Variants in ANKRD30A observed in about 807,000 individuals in gnomAD.
The protein encoded by ANKRD30A is ankyrin repeat domain-containing protein 30A.
ANKRD30A carries 170 observed loss-of-function variants against 166.3 expected under a neutral mutation model. The observed-to-expected ratio is 1.02, with a 90% confidence interval of 0.90 to 1.16. The LOEUF (loss-of-function observed/expected upper bound fraction) is 1.16, where lower values mean the gene tolerates loss of function less well. Ranked by LOEUF, ANKRD30A falls within the 50% of genes most tolerant of loss-of-function variation. The pLI is 0.00. For missense variants in ANKRD30A, 1,630 were observed against 1,518.0 expected, an observed-to-expected ratio of 1.07 and a Z score of -1.23; for synonymous variants, 564 against 508.9, an observed-to-expected ratio of 1.11 and a Z score of -1.46.
intron 15 of ANKRD30A, among the ~76,000 whole-genome samples, chr10:37,160,517 T>C (rs931970315): frequency 6.6e-6 from 1 of 152,192 alleles, no homozygotes; most frequent in Non-Finnish European, 1.5e-5. Flanking sequence ...TTTTCAAAAA[T>C]GCATAAGGTT....
chr10:37,254,683 CTTTTT>C, the ANKRD30A span, among the ~76,000 whole-genome samples: 3 of 126,530 alleles, frequency 2.4e-5, no homozygotes, highest in African/African-American at 8.7e-5. Context: ...CTTTTCTTTT[CTTTTT>C]TTTTTTTTTT....
At chr10:37,156,093 AT>A (rs1448214201) in intron 13 of ANKRD30A, among the ~76,000 whole-genome samples, 1 of 151,468 alleles carries the variant, frequency 6.6e-6, no homozygotes, top group East Asian at 1.9e-4. Flanking sequence ...AAAAAAAAAA[AT>A]CATAGTGTGC....
At position 37,163,325 on chromosome 10, in the gene ANKRD30A, A is replaced by ATG. The variant is rs1588842016; in HGVS notation, c.2002+489_2002+490dup. 4.5e-5 allele frequency among the ~76,000 whole-genome samples: 3 copies of ATG among 67,284 alleles called. No homozygotes were observed. The South Asian group carries it at 1.9e-3, about 42-fold the overall frequency. The allele number at this position is 67,284 out of a possible 152,430, so 44.1% of individuals were successfully genotyped here. ...TCGGACTAGTGAACTCTGTGTGTTTATGTGTGTGTGTGTCTGCGTGTGTGC... is the reference window on the plus strand; with the variant it reads ...TCGGACTAGTGAACTCTGTGTGTTTATGTGTGTGTGTGTGTCTGCGTGTGTGC... On this transcript the variant is annotated intron_variant, in intron 17 of 35. Coordinates refer to ENST00000361713, the MANE Select transcript of ANKRD30A (RefSeq NM_052997.3).
chr10:37,194,680 T>C (rs545332965), intron 27 of ANKRD30A, among the ~76,000 whole-genome samples: 2 of 152,278 alleles, frequency 1.3e-5, no homozygotes, highest in Admixed American at 1.3e-4. Context: ...TTGTACACTG[T>C]ACGTATTGTC....
the ANKRD30A span, among the ~76,000 whole-genome samples, chr10:37,243,449 A>T: frequency 6.6e-6 from 1 of 151,710 alleles, no homozygotes; most frequent in Non-Finnish European, 1.5e-5. Context: ...CGGCGTCCAA[A>T]TTTTTTTATA....
intron 34 of ANKRD30A, among the ~76,000 whole-genome samples, chr10:37,229,309 T>C (rs757906499): frequency 5.9e-5 from 9 of 151,936 alleles, no homozygotes; most frequent in Non-Finnish European, 1.3e-4. Flanking sequence ...AGTAAGTCAC[T>C]AAGTTTGGCC....
At chr10:37,233,025 A>T (rs552383655), downstream of ANKRD30A, among the ~76,000 whole-genome samples, 3 of 152,044 alleles carry the variant, frequency 2.0e-5, no homozygotes, top group African/African-American at 7.2e-5. Flanking sequence ...ACATTGGCTT[A>T]TAGTTTTGAT....
rs527985696 is a variant in ANKRD30A, at chr10:37,135,957, A to T, written c.756-650A>T. Reference sequence around the variant, plus strand: ...TAACCTATGAAGAAACACTTTTTTTAAAAAATTAATTTTTTGTAGAGACAG... The same window carrying T: ...TAACCTATGAAGAAACACTTTTTTTTAAAAATTAATTTTTTGTAGAGACAG... On this transcript the variant is annotated intron_variant, in intron 5 of 35. Coordinates refer to ENST00000361713, the MANE Select transcript of ANKRD30A (RefSeq NM_052997.3). Among the ~76,000 whole-genome samples, 11 of 152,232 alleles carry T rather than the reference A, an allele frequency of 7.2e-5. 1 individual carries two copies. Among genetic ancestry groups the T allele is most frequent in the South Asian group, 6.2e-4 (3 of 4,822 alleles).
At chr10:37,199,484 C>T (rs972112137) in intron 29 of ANKRD30A, among the ~76,000 whole-genome samples, 8 of 151,948 alleles carry the variant, frequency 5.3e-5, no homozygotes, top group Admixed American at 1.3e-4. Context: ...AGAAATAATT[C>T]ATAGAAGTTA....
chr10:37,155,695 G>A (rs1004112773), intron 13 of ANKRD30A, among the ~76,000 whole-genome samples: 10 of 152,006 alleles, frequency 6.6e-5, no homozygotes, highest in African/African-American at 2.4e-4. Flanking sequence ...AACACTTTTT[G>A]CAAAAATCAT....
chr10:37,184,016 C>G (rs1389994371), intron 24 of ANKRD30A, among the ~76,000 whole-genome samples: 1 of 151,722 alleles, frequency 6.6e-6, no homozygotes, highest in Non-Finnish European at 1.5e-5. Context: ...GACGTGGTGG[C>G]ACGCATTTCT....
chr10:37,195,695 C>T (rs1841023756), intron 27 of ANKRD30A, among the ~76,000 whole-genome samples: 1 of 152,168 alleles, frequency 6.6e-6, no homozygotes, highest in Non-Finnish European at 1.5e-5. Flanking sequence ...GAGATCGAGA[C>T]CATCCTGACT....
At position 37,219,110 on chromosome 10, in the gene ANKRD30A, T is replaced by C. The variant is rs185294248; in HGVS notation, c.3398T>C (p.Phe1133Ser). ...HQYQEKENKY[F>S]EDIKILKEKN... Reference sequence around the variant, plus strand: ...TACCAGGAAAAGGAAAATAAATACTTTGAGGACATTAAGATTTTAAAAGAA... The same window carrying C: ...TACCAGGAAAAGGAAAATAAATACTCTGAGGACATTAAGATTTTAAAAGAA... The change falls in exon 34 of 36, where the codon TTT becomes TCT. Residue 1133 changes from phenylalanine to serine, a missense_variant. Coordinates refer to ENST00000361713, the MANE Select transcript of ANKRD30A (RefSeq NM_052997.3). 207 of 1,609,600 alleles carry C rather than the reference T, an allele frequency of 1.3e-4. No homozygotes were observed. The African/African-American group carries it at 2.4e-3, about 18-fold the overall frequency.
intron 21 of ANKRD30A, among the ~76,000 whole-genome samples, chr10:37,172,615 G>A (rs1190224607): frequency 1.1e-4 from 15 of 138,334 alleles, no homozygotes; most frequent in Non-Finnish European, 1.9e-4. Flanking sequence ...AAGAATGTAG[G>A]CAGGTAATTC....
chr10:37,255,009 C>T, the ANKRD30A span, among the ~76,000 whole-genome samples: 1 of 152,036 alleles, frequency 6.6e-6, no homozygotes, highest in African/African-American at 2.4e-5. Flanking sequence ...TTGTTATGTC[C>T]TTTGAAGGAC....
chr10:37,259,230 AC>A, the ANKRD30A span, among the ~76,000 whole-genome samples: 6 of 152,210 alleles, frequency 3.9e-5, no homozygotes, highest in African/African-American at 1.4e-4. Context: ...AAAAACTCCT[AC>A]AAATCAGTTA....
chr10:37,244,938 T>A, the ANKRD30A span, among the ~76,000 whole-genome samples: 1 of 152,154 alleles, frequency 6.6e-6, no homozygotes, highest in African/African-American at 2.4e-5. Context: ...TTTATCTCCA[T>A]GCTCATGAAT....
At chr10:37,198,295 G>A (rs185591788) in intron 29 of ANKRD30A, among the ~76,000 whole-genome samples, 94 of 151,952 alleles carry the variant, frequency 6.2e-4, no homozygotes, top group African/African-American at 2.1e-3. Context: ...GGCAACATTC[G>A]TTTTTGATCA....
chr10:37,213,124 G>A (rs565183281), intron 31 of ANKRD30A, among the ~76,000 whole-genome samples: 14 of 151,616 alleles, frequency 9.2e-5, no homozygotes, highest in East Asian at 3.9e-4. Context: ...CGTTTTATTC[G>A]TTCCATCTCT....
Sources: gnomAD v4.1 joint callset for allele counts (sites outside exome capture counted in the v4.1 genomes callset) on GRCh38, gnomAD v4.1.1 for gene constraint, MANE v1.5 for transcripts, NCBI Gene and HGNC (gene_info 2026-07-23, HGNC 2026-07-21) for gene names.